Variants in CDH22 observed in about 807,000 individuals in gnomAD.
CDH22 encodes cadherin 22, also known as cadherin-22.
A neutral mutation model predicts 58.4 loss-of-function variants in CDH22; 30 were observed. The ratio of observed to expected loss-of-function variants is 0.51; its 90% confidence interval spans 0.38 to 0.70. The LOEUF (loss-of-function observed/expected upper bound fraction) is 0.70, where lower values mean the gene tolerates loss of function less well. CDH22 is among the 30% of genes least tolerant of loss of function. The pLI, the probability that CDH22 is intolerant of heterozygous loss-of-function variation, is 0.00. For synonymous variants in CDH22, 513 were observed against 558.2 expected (o/e 0.92, Z 1.14); for missense variants, 1,014 against 1,233.9 (o/e 0.82, Z 2.67).
Position 46,241,213 on chromosome 20 carries a change from G to A in CDH22, c.300C>T (p.Thr100=), listed in dbSNP as rs750891694. ...SDEGDGAIKY[T]ISGEGAGTIF... ...TGGTCCCAGCACCCTCGCCTGAGATGGTGTACTTGATGGCCCCGTCACCCT... is the reference window on the plus strand; with the variant it reads ...TGGTCCCAGCACCCTCGCCTGAGATAGTGTACTTGATGGCCCCGTCACCCT... The change falls in exon 3 of 12, where the codon ACC becomes ACT. Residue 100 remains threonine (T), a synonymous_variant. Transcript: ENST00000537909. The surrounding 1 kb of genome is among the most constrained non-coding windows in gnomAD (Gnocchi z 5.2). The A allele has an allele frequency of 6.2e-7, 1 of 1,613,384 alleles. No individual in the cohort carries two copies. The highest frequency in any genetic ancestry group is 1.1e-5 in the South Asian group (1 of 91,014).
chr20:46,195,841 GA>G (rs2085896586), intron 8 of CDH22, among the ~76,000 whole-genome samples: 1 of 152,210 alleles, frequency 6.6e-6, no homozygotes, highest in Admixed American at 6.5e-5. Flanking sequence ...GGGAGTCTTT[GA>G]GGTAATCCAG....
chr20:46,271,532 T>G (rs2086489017), intron 1 of CDH22, among the ~76,000 whole-genome samples: 1 of 152,024 alleles, frequency 6.6e-6, no homozygotes, highest in African/African-American at 2.4e-5. Context: ...ATACTCACTA[T>G]CTCCTTTACT....
In CDH22 at chr20:46,178,586, C is replaced by CTTT. The variant is rs33937889; in HGVS notation, c.1664-392_1664-390dup. Reference sequence around the variant, plus strand: ...GCCAAGGTCCTGTCCCTGGCGTTGTCTTTTTTTTTTTTTTTTTTTTTGCCA... The same window carrying CTTT: ...GCCAAGGTCCTGTCCCTGGCGTTGTCTTTTTTTTTTTTTTTTTTTTTTTTGCCA... On this transcript the variant is annotated intron_variant, in intron 10 of 11. Coordinates refer to ENST00000537909, the MANE Select transcript of CDH22 (RefSeq NM_021248.3). 1.4e-3 allele frequency among the ~76,000 whole-genome samples: 136 copies of CTTT among 95,324 alleles called. 7 individuals carry two copies. Among genetic ancestry groups the CTTT allele is most frequent in the African/African-American group, 4.1e-3 (98 of 23,998 alleles). 62.5% of individuals were successfully genotyped at this position (95,324 alleles called of 152,430 possible).
At chr20:46,217,139 G>T in intron 4 of CDH22, 146 bp from the exon 5 acceptor site, 2 of 685,232 alleles carry the variant, frequency 2.9e-6, no homozygotes, top group Non-Finnish European at 4.9e-6. Flanking sequence ...ACATCCACGT[G>T]TCCACCATGT....
chr20:46,248,227 T>C (rs983174280), intron 2 of CDH22, among the ~76,000 whole-genome samples: 6 of 152,096 alleles, frequency 3.9e-5, no homozygotes, highest in African/African-American at 1.4e-4. Flanking sequence ...GCTCATGCTG[T>C]TGAGGTGATA....
intron 1 of CDH22, among the ~76,000 whole-genome samples, chr20:46,262,462 G>A (rs934211683): frequency 6.6e-6 from 1 of 152,090 alleles, no homozygotes; most frequent in Non-Finnish European, 1.5e-5. Flanking sequence ...CATGAAGCCT[G>A]GCTCAGTCTG....
At chr20:46,238,033 C>T (rs2086266111) in intron 3 of CDH22, among the ~76,000 whole-genome samples, 1 of 152,192 alleles carries the variant, frequency 6.6e-6, no homozygotes, top group Non-Finnish European at 1.5e-5. Context: ...GATGAGGCTG[C>T]TCTTCCCCTG....
chr20:46,202,869 A>G (rs903708901), intron 7 of CDH22, among the ~76,000 whole-genome samples: 4 of 152,188 alleles, frequency 2.6e-5, no homozygotes, highest in Non-Finnish European at 5.9e-5. Context: ...AGAGGCCAGG[A>G]GAGGACCAGA....
intron 1 of CDH22, among the ~76,000 whole-genome samples, chr20:46,294,419 T>C (rs567953985): frequency 3.3e-5 from 5 of 152,140 alleles, no homozygotes; most frequent in African/African-American, 9.7e-5. Context: ...AGACAGGAGA[T>C]GGGGACACAC....
At chr20:46,298,520 G>C (rs557692302) in intron 1 of CDH22, among the ~76,000 whole-genome samples, 1 of 152,224 alleles carries the variant, frequency 6.6e-6, no homozygotes, top group South Asian at 2.1e-4. Flanking sequence ...GGTAAATAAC[G>C]GGTTGGTGGA....
intron 1 of CDH22, among the ~76,000 whole-genome samples, chr20:46,255,857 C>G (rs1172754086): frequency 6.6e-6 from 1 of 152,224 alleles, no homozygotes; most frequent in Non-Finnish European, 1.5e-5. Flanking sequence ...CTGGGACCGC[C>G]TCCCATGAGA....
intron 7 of CDH22, among the ~76,000 whole-genome samples, chr20:46,209,018 T>C (rs1198204458): frequency 3.9e-5 from 6 of 152,214 alleles, no homozygotes; most frequent in Non-Finnish European, 8.8e-5. Context: ...TCAGACAGCT[T>C]ACCTTTCAGT....
intron 1 of CDH22, among the ~76,000 whole-genome samples, chr20:46,287,371 A>ATT (rs1313355038): frequency 6.6e-6 from 1 of 152,202 alleles, no homozygotes; most frequent in African/African-American, 2.4e-5. Flanking sequence ...ACATGCGATG[A>ATT]TGACTATAAA....
chr20:46,178,726 T>C (rs1439304052), intron 10 of CDH22, among the ~76,000 whole-genome samples: 6 of 151,758 alleles, frequency 4.0e-5, no homozygotes, highest in Non-Finnish European at 8.8e-5. Flanking sequence ...TGACAAGTCC[T>C]GGGTCCTCAG....
intron 4 of CDH22, among the ~76,000 whole-genome samples, chr20:46,222,755 T>C (rs548397010): frequency 1.1e-4 from 17 of 152,344 alleles, no homozygotes; most frequent in African/African-American, 3.8e-4. Flanking sequence ...GTCGCCCCTG[T>C]GGGGGGCCTG....
At chr20:46,306,782 G>T (rs994752222) in intron 1 of CDH22, among the ~76,000 whole-genome samples, 2 of 152,198 alleles carry the variant, frequency 1.3e-5, no homozygotes, top group Non-Finnish European at 2.9e-5. Context: ...TGTCACTATG[G>T]GTGTAGAGGC....
Position 46,174,561 on chromosome 20 carries a change from G to T in CDH22, c.2432C>A (p.Pro811His). Residue 811 changes from proline to histidine, a missense_variant, in exon 12 of 12, where the codon CCC becomes CAC. Around this residue, in one of 2 missense-constraint regions of CDH22, gnomAD observed 208 missense variants for 195.2 expected, o/e 1.07. Transcript: ENST00000537909. This position sits in a 1 kb window ranked among gnomAD's most constrained non-coding sequence, Gnocchi z 4.4. ...YLSSWGPRFR[P>H]LAALYAGHRG... ...GTGGCCGGCGTAGAGCGCGGCCAGG[G>T]GCCGGAAGCGCGGACCCCAGCTGCT... 4.6e-6 allele frequency: 7 copies of T among 1,527,616 alleles called. No individual in the cohort carries two copies. Among genetic ancestry groups the T allele is most frequent in the Non-Finnish European group, 6.1e-6 (7 of 1,142,912 alleles). The allele number at this position is 1,527,616 out of a possible 1,614,324, so 94.6% of individuals were successfully genotyped here.
chr20:46,270,257 G>A (rs1165105133), intron 1 of CDH22, among the ~76,000 whole-genome samples: 1 of 152,128 alleles, frequency 6.6e-6, no homozygotes, highest in Non-Finnish European at 1.5e-5. Flanking sequence ...GGAACAGATG[G>A]GGAAGGAGAG....
chr20:46,212,955 C>CT lies in CDH22; in HGVS notation c.1032+39dup, dbSNP rs761791484. ...AGAGGCCTCCCTGATCCTCCCACCC[C>CT]TGAGGCCTGCCTCCCCCATTCCTCC... On this transcript the variant is annotated intron_variant, in intron 6 of 11. Coordinates refer to ENST00000537909, the MANE Select transcript of CDH22 (RefSeq NM_021248.3). 4.4e-6 allele frequency: 7 copies of CT among 1,575,898 alleles called. No individual in the cohort carries two copies. The Admixed American group carries it at 1.2e-4, about 26-fold the overall frequency.
Sources: allele counts gnomAD v4.1 joint callset (sites outside exome capture counted in the v4.1 genomes callset), GRCh38; gene constraint gnomAD v4.1.1; regional missense constraint gnomAD v4.1.1; non-coding constraint Gnocchi (gnomAD v3.1); transcripts MANE v1.5; gene names NCBI Gene and HGNC (gene_info 2026-07-23, HGNC 2026-07-21).